The following AKAP7 variants were observed in gnomAD, a reference collection of about 807,000 sequenced individuals.
AKAP7 encodes the protein A kinase (PRKA) anchor protein 7.
AKAP7 carries 39 observed loss-of-function variants against 39.5 expected under a neutral mutation model. The observed-to-expected ratio is 0.99, with a 90% CI of 0.76 to 1.29. The LOEUF is 1.29. AKAP7 is among the 50% of genes most tolerant of loss of function. The probability of loss-of-function intolerance (pLI) is 0.00; values close to 1 mark genes in which losing one functional copy is unlikely to be tolerated. For synonymous variants in AKAP7, 140 were observed against 139.1 expected (o/e 1.01, Z -0.05); for missense variants, 414 against 407.7 (o/e 1.02, Z -0.13).
chr6:131,148,644 A>G (rs1801668550), intron 2 of AKAP7, among the ~76,000 whole-genome samples: 1 of 152,230 alleles, frequency 6.6e-6, no homozygotes, highest in South Asian at 2.1e-4. Flanking sequence ...AGCATTTACT[A>G]AAACACTAAG....
chr6:131,233,592 T>A (rs953968522), intron 7 of AKAP7, among the ~76,000 whole-genome samples: 5 of 152,164 alleles, frequency 3.3e-5, no homozygotes, highest in African/African-American at 1.2e-4. Flanking sequence ...AAACAAGGCT[T>A]AAGAGTGACT....
intron 1 of AKAP7, among the ~76,000 whole-genome samples, chr6:131,143,663 T>C (rs921779932): frequency 7.2e-5 from 11 of 152,122 alleles, no homozygotes; most frequent in Non-Finnish European, 1.2e-4. Flanking sequence ...ATTAATCAAA[T>C]TGCAGTAAAA....
intron 7 of AKAP7, 101 bp downstream of exon 7, chr6:131,219,909 C>T: frequency 1.3e-6 from 1 of 770,994 alleles, no homozygotes; most frequent in Non-Finnish European, 1.9e-6. Flanking sequence ...ACGTTTTTCT[C>T]AATGATATAC....
At chr6:131,183,973 G>A (rs1454627218) in intron 5 of AKAP7, among the ~76,000 whole-genome samples, 1 of 152,180 alleles carries the variant, frequency 6.6e-6, no homozygotes, top group African/African-American at 2.4e-5. Context: ...AACAGAGAGA[G>A]AAGTGAGCTG....
chr6:131,162,504 G>A (rs1803070968), intron 3 of AKAP7, among the ~76,000 whole-genome samples: 1 of 152,128 alleles, frequency 6.6e-6, no homozygotes. Context: ...AATGAGGTGG[G>A]TGATAATACC....
intron 1 of AKAP7, chr6:131,136,884 G>T: frequency 2.0e-6 from 2 of 985,136 alleles, no homozygotes; most frequent in Non-Finnish European, 2.4e-6. Flanking sequence ...GCCAGGACTA[G>T]AATGGATGCC....
At position 131,240,898 on chromosome 6, in the gene AKAP7, C is replaced by CCCTGCACCCACTGT. The variant is rs778358585; in HGVS notation, c.850+21121_850+21134dup. ...GCCCTGCTTCAGCTCACGCTCAGTG[C>CCCTGCACCCACTGT]CCTGCACCCACTGTCCTGCACCCAC... On this transcript the variant is annotated intron_variant, in intron 7 of 7. Coordinates refer to ENST00000431975, the MANE Select transcript of AKAP7 (RefSeq NM_016377.4). 1.3e-3 allele frequency among the ~76,000 whole-genome samples: 201 copies of CCCTGCACCCACTGT among 152,066 alleles called. 1 individual carries two copies. The highest frequency in any genetic ancestry group is 4.6e-3 in the African/African-American group (191 of 41,376).
At chr6:131,182,970 T>A (rs1805422008) in intron 5 of AKAP7, among the ~76,000 whole-genome samples, 1 of 152,014 alleles carries the variant, frequency 6.6e-6, no homozygotes, top group Non-Finnish European at 1.5e-5. Flanking sequence ...ACAAAAAAAA[T>A]TTAATTTTGG....
intron 7 of AKAP7, among the ~76,000 whole-genome samples, chr6:131,225,244 G>A (rs11759793): frequency 0.29 from 43,330 of 151,876 alleles, 6,675 homozygotes; most frequent in Middle Eastern, 0.39. Context: ...TTCCTCTAGT[G>A]CTTTTTAAGT....
At chr6:131,253,094 G>C (rs1173081119) in intron 7 of AKAP7, 8 of 1,612,890 alleles carry the variant, frequency 5.0e-6, no homozygotes, top group Non-Finnish European at 6.8e-6. Context: ...GATATACCCA[G>C]TTGGTCAAGT....
At chr6:131,143,343 C>T (rs748653454) in intron 1 of AKAP7, among the ~76,000 whole-genome samples, 5 of 152,118 alleles carry the variant, frequency 3.3e-5, no homozygotes, top group Admixed American at 1.3e-4. Flanking sequence ...TGAATGCCTT[C>T]GTGCCCTCCC....
At position 131,236,295 on chromosome 6, in the gene AKAP7, T is replaced by G. The variant is rs567341904; in HGVS notation, c.850+16487T>G. Reference sequence around the variant, plus strand: ...GTTTTGGTACCAGTACCATGCTGTTTTGGTTACTGTAGCCTTGTAGTATAG... The same window carrying G: ...GTTTTGGTACCAGTACCATGCTGTTGTGGTTACTGTAGCCTTGTAGTATAG... On this transcript the variant is annotated intron_variant, in intron 7 of 7. Coordinates refer to ENST00000431975, the MANE Select transcript of AKAP7 (RefSeq NM_016377.4). Among the ~76,000 whole-genome samples, 89 of 152,322 alleles carry G rather than the reference T, an allele frequency of 5.8e-4. 1 individual carries two copies. The South Asian group carries it at 0.018, about 30-fold the overall frequency.
intron 6 of AKAP7, 56 bp from the exon 7 acceptor site, chr6:131,219,605 T>G: frequency 2.0e-6 from 3 of 1,497,104 alleles, no homozygotes; most frequent in Non-Finnish European, 2.7e-6. Flanking sequence ...GATGTAGTTA[T>G]GAACTGGCTG....
intron 5 of AKAP7, among the ~76,000 whole-genome samples, chr6:131,196,267 C>CTTTTTTTT (rs199967369): frequency 7.5e-6 from 1 of 133,940 alleles, no homozygotes. Flanking sequence ...ATGTCAGTTG[C>CTTTTTTTT]TTTTTTTTTT....
chr6:131,213,481 C>A (rs760112957), intron 6 of AKAP7, among the ~76,000 whole-genome samples: 2 of 152,162 alleles, frequency 1.3e-5, no homozygotes, highest in Non-Finnish European at 2.9e-5. Context: ...AAGTTCAGAA[C>A]ATGTACCAAA....
intron 2 of AKAP7, among the ~76,000 whole-genome samples, chr6:131,148,365 T>C (rs747207974): frequency 6.6e-6 from 1 of 152,202 alleles, no homozygotes; most frequent in East Asian, 1.9e-4. Context: ...CTCCAACTTA[T>C]ACATGGGCAG....
chr6:131,221,948 G>A (rs1809735152), intron 7 of AKAP7, among the ~76,000 whole-genome samples: 1 of 152,194 alleles, frequency 6.6e-6, no homozygotes, highest in Non-Finnish European at 1.5e-5. Context: ...ATGGATCAAG[G>A]AGTAATTTAG....
rs1403771681 is a variant in AKAP7 at position 131,202,340 on chromosome 6, G to A, written c.702+2767G>A. Among the ~76,000 whole-genome samples the A allele has an allele frequency of 4.9e-5, 7 of 144,268 alleles. No homozygotes were observed. The South Asian group carries it at 9.5e-4, about 20-fold the overall frequency. The allele number at this position is 144,268 out of a possible 152,430, so 94.6% of individuals were successfully genotyped here. Reference sequence around the variant, plus strand: ...GTTTATTGCGGCACTATTCACAATAGCAAAGACTTGGAACCAACCCAAATG... The same window carrying A: ...GTTTATTGCGGCACTATTCACAATAACAAAGACTTGGAACCAACCCAAATG... On this transcript the variant is annotated intron_variant, in intron 6 of 7. Coordinates refer to ENST00000431975, the MANE Select transcript of AKAP7 (RefSeq NM_016377.4).
At chr6:131,128,219 T>C in the AKAP7 span, among the ~76,000 whole-genome samples, 1 of 151,956 alleles carries the variant, frequency 6.6e-6, no homozygotes, top group Non-Finnish European at 1.5e-5. Flanking sequence ...TAGAAAAAGG[T>C]AAACGATTTA....
Sources: allele counts gnomAD v4.1 joint callset (sites outside exome capture counted in the v4.1 genomes callset), GRCh38; gene constraint gnomAD v4.1.1; transcripts MANE v1.5; gene names NCBI Gene and HGNC (gene_info 2026-07-23, HGNC 2026-07-21).